Variants in PCDH7 observed in about 807,000 individuals in gnomAD.
PCDH7 encodes the protein protocadherin 7, also known as protocadherin-7.
Under a neutral mutation model 58.9 loss-of-function variants are expected in PCDH7, and 17 were observed. The observed-to-expected ratio is 0.29, with a 90% CI of 0.20 to 0.43. The LOEUF is 0.43. Ranked by LOEUF, PCDH7 falls within the 20% of genes least tolerant of loss-of-function variation. The probability of loss-of-function intolerance (pLI) is 1.00; values close to 1 mark genes in which losing one functional copy is unlikely to be tolerated. For synonymous variants in PCDH7, 664 were observed against 616.4 expected (o/e 1.08, Z -1.14); for missense variants, 1,274 against 1,441.0 (o/e 0.88, Z 1.88).
At chr4:30,898,303 C>T (rs569963903) in intron 1 of PCDH7, among the ~76,000 whole-genome samples, 3 of 152,076 alleles carry the variant, frequency 2.0e-5, no homozygotes, top group African/African-American at 7.2e-5. Context: ...AGGGCTGGCA[C>T]TCACCCTTTC....
intron 3 of PCDH7, among the ~76,000 whole-genome samples, chr4:30,968,020 T>C (rs1442525120): frequency 1.3e-5 from 2 of 152,052 alleles, no homozygotes; most frequent in South Asian, 2.1e-4. Flanking sequence ...TACTGAAAAG[T>C]GTCTCAATAT....
intron 3 of PCDH7, among the ~76,000 whole-genome samples, chr4:31,070,943 T>C (rs1758495112): frequency 6.6e-6 from 1 of 151,982 alleles, no homozygotes; most frequent in Admixed American, 6.6e-5. Flanking sequence ...TACAGGGCCA[T>C]CCAAAAAAGA....
chr4:31,092,081 G>T (rs1272480539), intron 3 of PCDH7, among the ~76,000 whole-genome samples: 1 of 151,782 alleles, frequency 6.6e-6, no homozygotes, highest in Admixed American at 6.6e-5. Context: ...CTAATTCCCT[G>T]TTTGAAGAAG....
At chr4:30,936,475 T>C (rs542066548) in intron 2 of PCDH7, among the ~76,000 whole-genome samples, 1 of 152,244 alleles carries the variant, frequency 6.6e-6, no homozygotes, top group African/African-American at 2.4e-5. Flanking sequence ...CATTTAGTTT[T>C]TGTTTGATAT....
In PCDH7 at chr4:30,957,272, A is replaced by T. The variant is rs553255321; in HGVS notation, c.*7+7057A>T. On this transcript the variant is annotated intron_variant, in intron 3 of 3. Coordinates refer to the PCDH7 transcript ENST00000509759. The stretch of plus-strand genomic sequence containing the variant: ...TAACAGACATCAATTAAATAAAAAG[A>T]ATTATAAACACAAGCACATTAGCTG... 3.3e-5 allele frequency among the ~76,000 whole-genome samples: 5 copies of T among 152,294 alleles called. No homozygotes were observed. In the South Asian group the frequency reaches 1.0e-3, roughly 32 times the overall value.
chr4:31,101,377 G>A (rs953765469), intron 3 of PCDH7, among the ~76,000 whole-genome samples: 3 of 152,066 alleles, frequency 2.0e-5, no homozygotes, highest in East Asian at 1.9e-4. Flanking sequence ...GAACTTGTAG[G>A]CATCACTTTA....
At chr4:30,890,714 A>G (rs1213165178) in intron 1 of PCDH7, among the ~76,000 whole-genome samples, 3 of 152,162 alleles carry the variant, frequency 2.0e-5, no homozygotes, top group South Asian at 2.1e-4. Flanking sequence ...AATGGAATGC[A>G]TAAGATATTT....
At chr4:31,088,818 C>A (rs1560213804) in intron 3 of PCDH7, among the ~76,000 whole-genome samples, 2 of 152,064 alleles carry the variant, frequency 1.3e-5, no homozygotes, top group South Asian at 2.1e-4. Flanking sequence ...AAATAAGTAA[C>A]CGTAATTCTT....
chr4:30,911,876 G>A (rs1741820638), intron 1 of PCDH7, among the ~76,000 whole-genome samples: 2 of 151,968 alleles, frequency 1.3e-5, no homozygotes, highest in African/African-American at 2.4e-5. Context: ...GCACAGAGTA[G>A]CTGCTTTTTT....
At chr4:30,833,140 T>A (rs2109332069) in intron 1 of PCDH7, among the ~76,000 whole-genome samples, 3 of 152,316 alleles carry the variant, frequency 2.0e-5, no homozygotes, top group Middle Eastern at 3.4e-3. Context: ...TGGGTACACA[T>A]GCTATGTCTG....
chr4:31,140,406 G>T (rs942347396), intron 3 of PCDH7, among the ~76,000 whole-genome samples: 3 of 151,434 alleles, frequency 2.0e-5, no homozygotes, highest in African/African-American at 7.3e-5. Flanking sequence ...CATTCATAAA[G>T]ATTTTTTTAT....
intron 3 of PCDH7, among the ~76,000 whole-genome samples, chr4:31,065,427 T>C (rs562385684): frequency 1.3e-5 from 2 of 151,962 alleles, no homozygotes; most frequent in South Asian, 4.1e-4. Context: ...AAGTCAGGGA[T>C]GCAATTTTCA....
At chr4:31,033,444 AAG>A (rs1445291076) in intron 3 of PCDH7, among the ~76,000 whole-genome samples, 1 of 152,240 alleles carries the variant, frequency 6.6e-6, no homozygotes, top group African/African-American at 2.4e-5. Context: ...AAAATGGAGT[AAG>A]AGGATGGGGA....
intron 1 of PCDH7, among the ~76,000 whole-genome samples, chr4:30,762,044 G>A (rs1170630294): frequency 6.6e-6 from 1 of 152,112 alleles, no homozygotes; most frequent in Non-Finnish European, 1.5e-5. Context: ...TCAAGGCCAT[G>A]TTTGATATAA....
At chr4:31,058,252 T>C (rs1757415439) in intron 3 of PCDH7, among the ~76,000 whole-genome samples, 1 of 152,014 alleles carries the variant, frequency 6.6e-6, no homozygotes, top group Admixed American at 6.6e-5. Flanking sequence ...AGGAATTGGG[T>C]GATACCCATT....
chr4:30,858,268 C>A (rs1733749906), intron 1 of PCDH7, among the ~76,000 whole-genome samples: 1 of 152,090 alleles, frequency 6.6e-6, no homozygotes, highest in African/African-American at 2.4e-5. Context: ...TCAGCAGAAG[C>A]CTTTAAATTA....
chr4:31,133,414 A>G (rs1024766596), intron 3 of PCDH7, among the ~76,000 whole-genome samples: 1 of 152,202 alleles, frequency 6.6e-6, no homozygotes. Context: ...TATGAAAGCT[A>G]TGATTATTTC....
At chr4:30,942,380 T>C (rs916220337) in intron 2 of PCDH7, among the ~76,000 whole-genome samples, 2 of 152,044 alleles carry the variant, frequency 1.3e-5, no homozygotes, top group Admixed American at 1.3e-4. Context: ...TATAGAGCCT[T>C]GATGAAGTGT....
At chr4:30,962,616 A>G (rs969532163) in intron 3 of PCDH7, among the ~76,000 whole-genome samples, 2 of 151,816 alleles carry the variant, frequency 1.3e-5, no homozygotes, top group Non-Finnish European at 2.9e-5. Flanking sequence ...AGGAGACTCC[A>G]TCTCTACAAA....
Sources: allele counts gnomAD v4.1 joint callset (sites outside exome capture counted in the v4.1 genomes callset), GRCh38; gene constraint gnomAD v4.1.1; transcripts MANE v1.5; gene names NCBI Gene and HGNC (gene_info 2026-07-23, HGNC 2026-07-21).